Variants in PRKCE observed in about 807,000 individuals in gnomAD.
PRKCE encodes protein kinase C epsilon, also known as protein kinase C epsilon type.
Under a neutral mutation model 85.4 loss-of-function variants are expected in PRKCE, and 16 were observed. The observed-to-expected ratio is 0.19, with a 90% CI of 0.13 to 0.28. The LOEUF is 0.28. PRKCE is among the 10% of genes least tolerant of loss of function. PRKCE has a pLI of 1.00. For synonymous variants in PRKCE, 388 were observed against 371.5 expected (o/e 1.04, Z -0.51); for missense variants, 573 against 975.2 (o/e 0.59, Z 5.49).
intron 2 of PRKCE, among the ~76,000 whole-genome samples, chr2:45,917,227 CAG>C (rs1474034376): frequency 6.6e-6 from 1 of 152,006 alleles, no homozygotes; most frequent in Non-Finnish European, 1.5e-5. Flanking sequence ...TAGCTAGATA[CAG>C]AGTGTCCACA....
intron 2 of PRKCE, among the ~76,000 whole-genome samples, chr2:45,972,747 C>G (rs6751933): frequency 6.6e-6 from 1 of 152,068 alleles, no homozygotes; most frequent in Non-Finnish European, 1.5e-5. Context: ...ATTCTTGGCA[C>G]TCTTGTTGAA....
chr2:45,780,712 A>G lies in PRKCE; in HGVS notation c.349-62288A>G, dbSNP rs541135617. Among the ~76,000 whole-genome samples, 3 of 152,304 alleles carry G rather than the reference A, an allele frequency of 2.0e-5. No homozygotes were observed. The East Asian group carries it at 5.8e-4, about 29-fold the overall frequency. On this transcript the variant is annotated intron_variant, in intron 1 of 14. Coordinates refer to ENST00000306156, the MANE Select transcript of PRKCE (RefSeq NM_005400.3). ...GAGCCTTCCATGGGTGGCCCACCCA[A>G]TCCCACCATCTGGTCAGCCAGGGTT...
At chr2:46,045,560 A>G (rs1442414398) in intron 10 of PRKCE, among the ~76,000 whole-genome samples, 2 of 152,216 alleles carry the variant, frequency 1.3e-5, no homozygotes, top group Non-Finnish European at 2.9e-5. Flanking sequence ...CTCTGGTATC[A>G]AGGGATATCC....
chr2:45,861,911 TA>T (rs1047520065), intron 2 of PRKCE, among the ~76,000 whole-genome samples: 31 of 152,138 alleles, frequency 2.0e-4, no homozygotes, highest in African/African-American at 7.2e-4. Context: ...AATGGTTAAG[TA>T]AAAAAAGTAA....
intron 2 of PRKCE, among the ~76,000 whole-genome samples, chr2:45,939,079 G>A (rs998845521): frequency 2.0e-5 from 3 of 152,252 alleles, no homozygotes; most frequent in African/African-American, 4.8e-5. Flanking sequence ...AGGAGGTGCC[G>A]GGCTATAAAT....
chr2:45,913,257 C>T (rs1184879433), intron 2 of PRKCE, among the ~76,000 whole-genome samples: 1 of 152,212 alleles, frequency 6.6e-6, no homozygotes, highest in African/African-American at 2.4e-5. Context: ...AGATGATCCT[C>T]CCACCTCAGC....
intron 1 of PRKCE, among the ~76,000 whole-genome samples, chr2:45,770,312 T>C (rs569386629): frequency 8.5e-4 from 130 of 152,302 alleles, no homozygotes; most frequent in African/African-American, 2.9e-3. Context: ...GCTTCCTCTG[T>C]CTGGAAACAA....
chr2:46,113,748 A>G (rs1266917189), intron 11 of PRKCE, among the ~76,000 whole-genome samples: 1 of 152,136 alleles, frequency 6.6e-6, no homozygotes, highest in Non-Finnish European at 1.5e-5. Context: ...GGTAGCTTTT[A>G]GGCAAAAAGA....
In PRKCE at chr2:45,684,599, A is replaced by G. The variant is rs565412381; in HGVS notation, c.348+32151A>G. On this transcript the variant is annotated intron_variant, in intron 1 of 14. Transcript: ENST00000306156. The stretch of plus-strand genomic sequence containing the variant: ...TTGGACCTACAATATTGATTTTACA[A>G]CCCCCTAGTGGCATGTGACCTACAG... Among the ~76,000 whole-genome samples the G allele has an allele frequency of 2.2e-4, 33 of 151,990 alleles. No homozygotes were observed. The South Asian group carries it at 6.2e-3, about 29-fold the overall frequency.
chr2:45,775,322 T>C (rs58080355), intron 1 of PRKCE, among the ~76,000 whole-genome samples: 1 of 152,112 alleles, frequency 6.6e-6, no homozygotes, highest in Non-Finnish European at 1.5e-5. Flanking sequence ...CACAAGTGTA[T>C]GCGGAAAGGG....
In PRKCE at chr2:45,848,587, A is replaced by G. The variant is rs139147507; in HGVS notation, c.412+5524A>G. Among the ~76,000 whole-genome samples, 787 of 152,358 alleles carry G rather than the reference A, an allele frequency of 5.2e-3. 8 individuals are homozygous for G. Among genetic ancestry groups the G allele is most frequent in the African/African-American group, 0.018 (735 of 41,584 alleles). On this transcript the variant is annotated intron_variant, in intron 2 of 14. Transcript: ENST00000306156. ...CGGCCTCCCAAAGTGCTGGGATTAC[A>G]GGTGTGAGTCACTGCATCCAGGCTA...
At chr2:46,128,732 G>A (rs1419859257) in intron 11 of PRKCE, among the ~76,000 whole-genome samples, 1 of 152,154 alleles carries the variant, frequency 6.6e-6, no homozygotes, top group African/African-American at 2.4e-5. Context: ...TTAAAAATAA[G>A]GTTGATAAGC....
intron 10 of PRKCE, among the ~76,000 whole-genome samples, chr2:46,054,772 C>T (rs1039256076): frequency 6.6e-6 from 1 of 152,170 alleles, no homozygotes; most frequent in African/African-American, 2.4e-5. Flanking sequence ...GTTGCCTTTT[C>T]CAAAACCACC....
At chr2:45,962,072 C>A (rs963315124) in intron 2 of PRKCE, among the ~76,000 whole-genome samples, 1 of 152,174 alleles carries the variant, frequency 6.6e-6, no homozygotes, top group African/African-American at 2.4e-5. Flanking sequence ...CTGCTTAAAC[C>A]AAAACCTACT....
intron 10 of PRKCE, among the ~76,000 whole-genome samples, chr2:46,083,012 A>G: frequency 6.6e-6 from 1 of 152,146 alleles, no homozygotes; most frequent in Non-Finnish European, 1.5e-5. Flanking sequence ...CAGTGGCGCA[A>G]TCTCAGCTCA....
chr2:46,067,911 G>A lies in PRKCE; in HGVS notation c.1438-18297G>A, dbSNP rs1667762311. On this transcript the variant is annotated intron_variant, in intron 10 of 14. Transcript: ENST00000306156. ...CCGGTATTCCAGGCATTTGTTGTGG[G>A]TTTCCTGGCATTAGATTGTTCATGG... is the stretch of plus-strand genomic sequence containing the variant. 2.0e-5 allele frequency among the ~76,000 whole-genome samples: 3 copies of A among 152,194 alleles called. No homozygotes were observed. In the South Asian group the frequency reaches 6.2e-4, roughly 32 times the overall value.
At chr2:45,735,539 C>G (rs1343118891) in intron 1 of PRKCE, among the ~76,000 whole-genome samples, 1 of 152,240 alleles carries the variant, frequency 6.6e-6, no homozygotes, top group Non-Finnish European at 1.5e-5. Context: ...GCATTCACCT[C>G]ATAGCATTGT....
intron 2 of PRKCE, among the ~76,000 whole-genome samples, chr2:45,914,161 T>G (rs373223310): frequency 6.6e-6 from 1 of 152,232 alleles, no homozygotes; most frequent in African/African-American, 2.4e-5. Flanking sequence ...TACAATATCA[T>G]GCTAGGTGCT....
At chr2:45,981,145 G>C (rs79235198) in intron 5 of PRKCE, among the ~76,000 whole-genome samples, 4 of 152,168 alleles carry the variant, frequency 2.6e-5, no homozygotes, top group Non-Finnish European at 4.4e-5. Context: ...ATGAAGCTAG[G>C]TTCACCTAAC....
Sources: gnomAD v4.1 joint callset for allele counts (sites outside exome capture counted in the v4.1 genomes callset) on GRCh38, gnomAD v4.1.1 for gene constraint, MANE v1.5 for transcripts, NCBI Gene and HGNC (gene_info 2026-07-23, HGNC 2026-07-21) for gene names.